POLE: variants seen among roughly 807,000 people sequenced by gnomAD.
POLE encodes the protein DNA polymerase epsilon catalytic subunit A.
A neutral mutation model predicts 279.2 loss-of-function variants in POLE; 188 were observed. The ratio of observed to expected loss-of-function variants is 0.67; its 90% CI spans 0.60 to 0.76. The LOEUF (loss-of-function observed/expected upper bound fraction) is 0.76. Among genes scored for constraint, POLE ranks in the 30% least tolerant of loss-of-function variants. POLE has a pLI of 0.00. For synonymous variants in POLE, 1,214 were observed against 1,172.5 expected (o/e 1.04, Z -0.72); for missense variants, 2,703 against 3,016.7 (o/e 0.90, Z 2.44).
chr12:132,657,151 C>T lies in POLE; in HGVS notation c.3567G>A (p.Leu1189=). The change falls in exon 29 of 49, where the codon CTG becomes CTA. Residue 1189 remains leucine (L), a synonymous_variant. Transcript: ENST00000320574. The part of the protein sequence containing the change: ...KQKKISELFT[L]EGRRQVTMAE... ...CCACCGTCACCTGTCTCCTGCCCTC[C>T]AGGGTGAAGAGCTCACTGATCTTCT... 6.2e-7 allele frequency: 1 copy of T among 1,614,016 alleles called. No individual in the cohort carries two copies. The highest frequency in any genetic ancestry group is 8.5e-7 in the Non-Finnish European group (1 of 1,180,004).
intron 2 of POLE, 190 bp downstream of exon 2, chr12:132,680,948 G>A (rs1404984120): frequency 9.0e-6 from 6 of 663,868 alleles, no homozygotes; most frequent in African/African-American, 5.5e-5. Context: ...CATCACCTCC[G>A]GCTTCTCACA....
intron 29 of POLE, 99 bp downstream of exon 29, chr12:132,657,037 A>G (rs2042557302): frequency 7.5e-7 from 1 of 1,326,924 alleles, no homozygotes; most frequent in Non-Finnish European, 1.1e-6. Context: ...CGATGCTTGA[A>G]CAGAAGCTTC....
rs897860807 is a variant in POLE, at chr12:132,624,117, T to C, written c.*580A>G. The C allele has an allele frequency of 9.4e-6, 2 of 212,962 alleles. No homozygotes were observed. The highest frequency in any genetic ancestry group is 1.9e-5 in the Non-Finnish European group (2 of 105,616). The allele number at this position is 212,962 out of a possible 1,614,324, so 13.2% of individuals were successfully genotyped here. A position where few individuals can be genotyped will look rare whatever the true frequency, so the allele number is the denominator to read the frequency against. On this transcript the variant is annotated 3_prime_UTR_variant, in exon 49 of 49. Coordinates refer to ENST00000320574, the MANE Select transcript of POLE (RefSeq NM_006231.4). ...AGACCCGGCTCCAAATAAGCAGGGC[T>C]CACAAGCCAAAATCCAGATTCTCAC...
Position 132,639,370 on chromosome 12 carries a change from T to C in POLE, c.5379-72A>G, listed in dbSNP as rs2138512376. 7.0e-7 allele frequency: 1 copy of C among 1,436,746 alleles called. No individual in the cohort carries two copies. 89.0% of individuals were successfully genotyped at this position (1,436,746 alleles called of 1,614,324 possible). On this transcript the variant is annotated intron_variant, in intron 39 of 48. Coordinates refer to ENST00000320574, the MANE Select transcript of POLE (RefSeq NM_006231.4). This position sits in a 1 kb window ranked among gnomAD's most constrained non-coding sequence, Gnocchi z 4.7. ...CTGCTGCCACGCGGGACGCTCCAAC[T>C]GAAATGGGCACAGGTTTTCCCTACA...
At position 132,643,293 on chromosome 12, in the gene POLE, CTG is replaced by C. The variant is rs1593733806; in HGVS notation, c.4480_4481del (p.Gln1494GlyfsTer50). The C allele has an allele frequency of 6.2e-7, 1 of 1,613,996 alleles. No individual in the cohort carries two copies. Among genetic ancestry groups the C allele is most frequent in the Non-Finnish European group, 8.5e-7 (1 of 1,180,032 alleles). On this transcript the variant is annotated frameshift_variant, in exon 35 of 49. Coordinates refer to ENST00000320574, the MANE Select transcript of POLE (RefSeq NM_006231.4). LOFTEE classifies it high-confidence loss of function. ...IRHIYLYHHA[Q>X]AHKALFGIFI... ...AGATCCCGAAGAGCGCTTTGTGGGC[CTG>C]TGCGTGGTGGTACAGGTAGATATGG...
intron 32 of POLE, chr12:132,648,599 C>G (rs901804009): frequency 1.3e-5 from 3 of 231,994 alleles, no homozygotes; most frequent in African/African-American, 6.8e-5. Context: ...AGTTGGATGG[C>G]GTAACTTTAC....
intron 32 of POLE, among the ~76,000 whole-genome samples, chr12:132,644,584 G>A (rs1158655695): frequency 1.3e-5 from 2 of 152,150 alleles, no homozygotes; most frequent in Non-Finnish European, 2.9e-5. Flanking sequence ...TTTAACCTGA[G>A]GGTGTAGATG....
intron 40 of POLE, chr12:132,638,817 A>G (rs536313641): frequency 4.6e-4 from 163 of 352,172 alleles, no homozygotes; most frequent in African/African-American, 3.2e-3. Context: ...GTCCTCACAC[A>G]GATCTCCTGA....
In POLE at chr12:132,668,600, C is replaced by G. The variant is rs2042851072; in HGVS notation, c.2026+35G>C. ...GCGGCCGACACTCACCCACCCGTTT[C>G]CCACCGAGTGCCCACCCAGGCGGCC... On this transcript the variant is annotated intron_variant, in intron 18 of 48. Coordinates refer to ENST00000320574, the MANE Select transcript of POLE (RefSeq NM_006231.4). The surrounding 1 kb of genome is among the most constrained non-coding windows in gnomAD (Gnocchi z 4.0). 2 of 1,594,410 alleles carry G rather than the reference C, an allele frequency of 1.3e-6. No individual in the cohort carries two copies. The highest frequency in any genetic ancestry group is 1.7e-6 in the Non-Finnish European group (2 of 1,164,760).
At chr12:132,672,891 T>G in intron 14 of POLE, 52 bp from the exon 15 acceptor site, 4 of 1,518,068 alleles carry the variant, frequency 2.6e-6, no homozygotes, top group Non-Finnish European at 3.6e-6. Flanking sequence ...AGGCCCTGAC[T>G]TGCAGGCAAA....
rs1060500824 is a variant in POLE, at chr12:132,677,640, C to T, written c.658G>A (p.Asp220Asn). The change falls in exon 7 of 49, where the codon GAC becomes AAC. Residue 220 changes from aspartate (D) to asparagine (N), a missense_variant. Asp to Asn is a conservative substitution (Grantham distance 23). Coordinates refer to ENST00000320574, the MANE Select transcript of POLE (RefSeq NM_006231.4). ...KIADQLDNIV[D>N]MREYDVPYHI... ...TAGGGAACATCGTACTCGCGCATGT[C>T]CACAATGTTGTCCAACTGGTCAGCT... is the stretch of plus-strand genomic sequence containing the variant. 1 of 1,614,132 alleles carries T rather than the reference C, an allele frequency of 6.2e-7. No homozygotes were observed. Among genetic ancestry groups the T allele is most frequent in the Non-Finnish European group, 8.5e-7 (1 of 1,180,002 alleles).
At chr12:132,640,592 G>A (rs958686025) in intron 39 of POLE, among the ~76,000 whole-genome samples, 2 of 152,280 alleles carry the variant, frequency 1.3e-5, no homozygotes, top group African/African-American at 4.8e-5. Context: ...GATGCCAGCT[G>A]CTCTGGTACT....
At chr12:132,681,586 G>A (rs1434939883) in intron 1 of POLE, among the ~76,000 whole-genome samples, 1 of 151,918 alleles carries the variant, frequency 6.6e-6, no homozygotes, top group Non-Finnish European at 1.5e-5. Flanking sequence ...CTTGTGATCC[G>A]ACTGCCACCT....
At chr12:132,672,877 C>A in intron 14 of POLE, 38 bp from the exon 15 acceptor site, 1 of 1,571,228 alleles carries the variant, frequency 6.4e-7, no homozygotes, top group African/African-American at 1.4e-5. Context: ...AAAAGCAACA[C>A]CAAAGGCCCT....
chr12:132,643,533 G>A lies in POLE; in HGVS notation c.4318C>T (p.His1440Tyr), dbSNP rs373785842. 25 of 1,614,054 alleles carry A rather than the reference G, an allele frequency of 1.5e-5. No homozygotes were observed. The highest frequency in any genetic ancestry group is 2.1e-5 in the Non-Finnish European group (25 of 1,180,052). ...QVPLLFRALVHLGCVCVVNKQ... is the reference protein window; with the variant it reads ...QVPLLFRALVYLGCVCVVNKQ... ...TTGACCACACACACACAGCCCAGGT[G>A]CACCAGGGCCCGGAACAGTAACGGA... Residue 1440 changes from histidine to tyrosine, a missense_variant, in exon 34 of 49, where the codon CAC becomes TAC. Physicochemically the swap from His to Tyr is moderately conservative, Grantham distance 83 (BLOSUM62 2). This residue lies in a region of POLE where 1,551 missense variants were observed against 1,686.1 expected (regional missense o/e 0.92). Coordinates refer to ENST00000320574, the MANE Select transcript of POLE (RefSeq NM_006231.4).
chr12:132,657,443 A>G lies in POLE; in HGVS notation c.3379-14T>C, dbSNP rs1211850049. 4 of 1,612,928 alleles carry G rather than the reference A, an allele frequency of 2.5e-6. 1 individual carries two copies. The South Asian group carries it at 4.4e-5, about 18-fold the overall frequency. The stretch of plus-strand genomic sequence containing the variant: ...CCAATCCAGAATCTGCATGTGCAGG[A>G]AACGGGCACAGAGAACAGCAGGTGG... On this transcript the variant is annotated splice_polypyrimidine_tract_variant and intron_variant, in intron 27 of 48. Coordinates refer to ENST00000320574, the MANE Select transcript of POLE (RefSeq NM_006231.4).
In POLE at chr12:132,642,488, C is replaced by T. The variant is rs529042345; in HGVS notation, c.4952+18G>A. On this transcript the variant is annotated intron_variant, in intron 37 of 48. Coordinates refer to ENST00000320574, the MANE Select transcript of POLE (RefSeq NM_006231.4). The stretch of plus-strand genomic sequence containing the variant: ...CTGCCTGGGGACCACTGGCCCACAA[C>T]GACAGTACTGTGCTCACCTGCTCAT... 9.3e-6 allele frequency: 15 copies of T among 1,611,856 alleles called. No homozygotes were observed. The Admixed American group carries it at 1.5e-4, about 16-fold the overall frequency.
Position 132,675,747 on chromosome 12 carries a change from T to C in POLE, c.1094A>G (p.Asp365Gly). 6.2e-7 allele frequency: 1 copy of C among 1,613,774 alleles called. No individual in the cohort carries two copies. Among genetic ancestry groups the C allele is most frequent in the Middle Eastern group, 1.7e-4 (1 of 6,050 alleles). Residue 365 changes from aspartate (D) to glycine (G), a missense_variant, in exon 11 of 49, where the codon GAC becomes GGC. Asp to Gly is a moderately conservative substitution (Grantham distance 94, BLOSUM62 -1). This residue lies in a region of POLE where 1,011 missense variants were observed against 1,111.7 expected (regional missense o/e 0.91). Coordinates refer to ENST00000320574, the MANE Select transcript of POLE (RefSeq NM_006231.4). The surrounding 1 kb of genome is among the most constrained non-coding windows in gnomAD (Gnocchi z 4.3). ...GACACAGACTCACCAGTCAAAAAAG[T>C]CCCCGTTGTAGGTGACCATGATGGT... ...KPTIMVTYNG[D>G]FFDWPFVEAR... is the part of the protein sequence containing the mutation.
intron 29 of POLE, among the ~76,000 whole-genome samples, chr12:132,656,849 A>G (rs958811063): frequency 1.6e-4 from 24 of 152,326 alleles, no homozygotes; most frequent in African/African-American, 4.6e-4. Context: ...TGGGGCTTCA[A>G]GAGACAGTGA....
Sources: allele counts gnomAD v4.1 joint callset (sites outside exome capture counted in the v4.1 genomes callset), GRCh38; gene constraint gnomAD v4.1.1; regional missense constraint gnomAD v4.1.1; non-coding constraint Gnocchi (gnomAD v3.1); transcripts MANE v1.5; gene names NCBI Gene and HGNC (gene_info 2026-07-23, HGNC 2026-07-21).